TSNARE1: variants seen among roughly 807,000 people sequenced by gnomAD.
TSNARE1 encodes the protein t-SNARE domain-containing protein 1.
TSNARE1 carries 49 observed loss-of-function variants against 62.0 expected under a neutral mutation model. That is an observed-to-expected ratio of 0.79 (90% CI 0.63 to 1.00). The LOEUF is 1.00. Ranked by LOEUF, TSNARE1 falls within the 50% of genes least tolerant of loss-of-function variation. The pLI, the probability that TSNARE1 is intolerant of heterozygous loss-of-function variation, is 0.00. For synonymous variants in TSNARE1, 328 were observed against 294.4 expected, an observed-to-expected ratio of 1.11 and a Z score of -1.17; for missense variants, 755 against 700.1, an observed-to-expected ratio of 1.08 and a Z score of -0.88.
chr8:142,283,796 GTC>G (rs1822188166), intron 11 of TSNARE1, among the ~76,000 whole-genome samples: 2 of 134,226 alleles, frequency 1.5e-5, no homozygotes, highest in African/African-American at 5.6e-5. Context: ...CGGGGCCAGT[GTC>G]TGTCAATGAG....
At chr8:142,253,218 C>T (rs923085005) in intron 12 of TSNARE1, among the ~76,000 whole-genome samples, 1 of 152,346 alleles carries the variant, frequency 6.6e-6, no homozygotes, top group Admixed American at 6.5e-5. Context: ...GGCCGGTAGC[C>T]GTGGAGTCAC....
chr8:142,360,087 G>C (rs2130854630), intron 1 of TSNARE1, among the ~76,000 whole-genome samples: 1 of 152,352 alleles, frequency 6.6e-6, no homozygotes, highest in Non-Finnish European at 1.5e-5. Flanking sequence ...CAGCAAGAGA[G>C]GGAGCCAGGC....
chr8:142,305,046 T>C (rs1213665042), intron 9 of TSNARE1, among the ~76,000 whole-genome samples: 2 of 152,274 alleles, frequency 1.3e-5, no homozygotes, highest in African/African-American at 4.8e-5. Flanking sequence ...TGTAGGAGCC[T>C]GCCCTCGGCC....
In TSNARE1 at chr8:142,270,310, C is replaced by T. The variant is rs138183912; in HGVS notation, c.1446+4471G>A. ...CAGGCCCCCGCAGGGAGGCTGAAAG[C>T]AGCGGTGCCTGCCACGCCCGAGAAG... On this transcript the variant is annotated intron_variant, in intron 12 of 13. Coordinates refer to ENST00000524325, the MANE Select transcript of TSNARE1 (RefSeq NM_145003.5). The T allele has an allele frequency of 2.8e-3, 2,715 of 985,420 alleles. 4 individuals carry two copies. Among genetic ancestry groups the T allele is most frequent in the Non-Finnish European group, 3.1e-3 (2,598 of 829,918 alleles). 61.0% of individuals were successfully genotyped at this position (985,420 alleles called of 1,614,324 possible).
rs1339976453 is a variant in TSNARE1, at chr8:142,274,902, G to A, written c.1364-39C>T. ...CAACAGAAGGCAATTACAGATGGAGGCCCAGCCGCCCCCGCCCTGAGGACA... is the reference window on the plus strand; with the variant it reads ...CAACAGAAGGCAATTACAGATGGAGACCCAGCCGCCCCCGCCCTGAGGACA... On this transcript the variant is annotated intron_variant, in intron 11 of 13. Coordinates refer to ENST00000524325, the MANE Select transcript of TSNARE1 (RefSeq NM_145003.5). 19 of 1,476,370 alleles carry A rather than the reference G, an allele frequency of 1.3e-5. 1 individual carries two copies. In the Admixed American group the frequency reaches 3.7e-4, roughly 29 times the overall value. 91.5% of individuals were successfully genotyped at this position (1,476,370 alleles called of 1,614,324 possible).
chr8:142,279,189 G>A (rs910953711), intron 11 of TSNARE1, among the ~76,000 whole-genome samples: 1 of 152,250 alleles, frequency 6.6e-6, no homozygotes, highest in Non-Finnish European at 1.5e-5. Flanking sequence ...TCCCTGCTGG[G>A]ACCCACTGGT....
intron 1 of TSNARE1, chr8:142,365,841 G>A (rs1835510661): frequency 7.3e-6 from 3 of 409,560 alleles, no homozygotes; most frequent in South Asian, 1.8e-5. Context: ...TGTAAAAGGT[G>A]CAAGCACTGA....
chr8:142,406,937 C>T (rs745854195), upstream of TSNARE1: 2 of 152,264 alleles, frequency 1.3e-5, no homozygotes, highest in Non-Finnish European at 2.9e-5. Context: ...TAGAAACCAA[C>T]TCCATCCTGA....
intron 11 of TSNARE1, among the ~76,000 whole-genome samples, chr8:142,283,819 G>A (rs370706452): frequency 1.9e-3 from 197 of 102,514 alleles, no homozygotes; most frequent in Middle Eastern, 0.012. Context: ...CGGAGGTGGG[G>A]CCAGTGTCTG....
At chr8:142,217,509 G>T (rs1339364850) in intron 13 of TSNARE1, among the ~76,000 whole-genome samples, 3 of 152,194 alleles carry the variant, frequency 2.0e-5, no homozygotes, top group African/African-American at 7.2e-5. Flanking sequence ...CAGCAGGCAG[G>T]CAGGGGCAGG....
intron 4 of TSNARE1, among the ~76,000 whole-genome samples, chr8:142,339,943 G>A (rs1832310758): frequency 6.6e-6 from 1 of 152,260 alleles, no homozygotes; most frequent in South Asian, 2.1e-4. Context: ...CAACTCCGCA[G>A]AGGACTGAGA....
intron 10 of TSNARE1, among the ~76,000 whole-genome samples, chr8:142,290,693 A>G (rs561014300): frequency 1.3e-5 from 2 of 152,360 alleles, no homozygotes; most frequent in South Asian, 4.1e-4. Context: ...ATAGCTAGAG[A>G]TCAGCCAGGT....
At chr8:142,314,856 A>G (rs1828274537) in intron 8 of TSNARE1, 147 bp downstream of exon 8, 2 of 747,804 alleles carry the variant, frequency 2.7e-6, no homozygotes, top group South Asian at 3.4e-5. Context: ...CTGCCTAGAG[A>G]CTGTCTGCAA....
At chr8:142,243,962 C>T (rs1351758645) in intron 12 of TSNARE1, among the ~76,000 whole-genome samples, 1 of 151,782 alleles carries the variant, frequency 6.6e-6, no homozygotes, top group Admixed American at 6.6e-5. Flanking sequence ...CCGAGGCAGG[C>T]GGATCACGAG....
In TSNARE1 at chr8:142,291,181, C is replaced by T. The variant is rs1483130816; in HGVS notation, c.1291-6696G>A. Among the ~76,000 whole-genome samples, 2 of 152,096 alleles carry T rather than the reference C, an allele frequency of 1.3e-5. No individual in the cohort carries two copies. Among genetic ancestry groups the T allele is most frequent in the African/African-American group, 2.4e-5 (1 of 41,480 alleles). On this transcript the variant is annotated intron_variant, in intron 10 of 13. Transcript: ENST00000524325. The surrounding 1 kb of genome is among the most constrained non-coding windows in gnomAD (Gnocchi z 4.8). ...CTTTCCATGCCTGGCTCTGGACCTGCGGGTGGCCTTGGAGACAAATCCCAC... is the reference window on the plus strand; with the variant it reads ...CTTTCCATGCCTGGCTCTGGACCTGTGGGTGGCCTTGGAGACAAATCCCAC...
intron 3 of TSNARE1, among the ~76,000 whole-genome samples, chr8:142,345,102 C>T (rs886545223): frequency 5.9e-5 from 9 of 152,248 alleles, no homozygotes; most frequent in Non-Finnish European, 1.0e-4. Flanking sequence ...CTCCATCCTG[C>T]AAGGGAACAG....
intron 10 of TSNARE1, among the ~76,000 whole-genome samples, chr8:142,293,102 A>G (rs1399851002): frequency 1.3e-5 from 2 of 152,132 alleles, no homozygotes; most frequent in Non-Finnish European, 2.9e-5. Flanking sequence ...GGAGTCCCCA[A>G]GAAAACGCAA....
chr8:142,272,915 G>A (rs1260798994), intron 12 of TSNARE1: 1 of 985,206 alleles, frequency 1.0e-6, no homozygotes, highest in African/African-American at 1.7e-5. Context: ...GCAGGTGGGA[G>A]CAGGACATTC....
chr8:142,384,910 A>G (rs1837009711), intron 1 of TSNARE1, among the ~76,000 whole-genome samples: 1 of 152,210 alleles, frequency 6.6e-6, no homozygotes, highest in Non-Finnish European at 1.5e-5. Flanking sequence ...ACAACATGGG[A>G]GAAAATATGT....
Sources: gnomAD v4.1 joint callset for allele counts (sites outside exome capture counted in the v4.1 genomes callset) on GRCh38, gnomAD v4.1.1 for gene constraint, Gnocchi (gnomAD v3.1) non-coding constraint, MANE v1.5 for transcripts, NCBI Gene and HGNC (gene_info 2026-07-23, HGNC 2026-07-21) for gene names.